The following ACYP2 variants were observed in gnomAD, a reference collection of about 807,000 sequenced individuals.
ACYP2 encodes the protein acylphosphatase-2.
A neutral mutation model predicts 11.2 loss-of-function variants in ACYP2; 12 were observed. The observed-to-expected ratio is 1.08, with a 90% confidence interval of 0.69 to 1.74. ACYP2 has a LOEUF of 1.74. Ranked by LOEUF, ACYP2 falls within the 40% of genes most tolerant of loss-of-function variation. ACYP2 has a pLI of 0.00. For synonymous variants in ACYP2, 43 were observed against 32.2 expected, an observed-to-expected ratio of 1.33 and a Z score of -1.13; for missense variants, 134 against 101.9, an observed-to-expected ratio of 1.31 and a Z score of -1.35.
At chr2:54,013,041 G>T (rs555520852) in intron 2 of ACYP2, among the ~76,000 whole-genome samples, 2 of 151,940 alleles carry the variant, frequency 1.3e-5, no homozygotes, top group African/African-American at 2.4e-5. Context: ...AACACATTTC[G>T]CAGATATATC....
intron 2 of ACYP2, among the ~76,000 whole-genome samples, chr2:54,028,841 G>A (rs1190317372): frequency 1.3e-5 from 2 of 152,148 alleles, no homozygotes; most frequent in Admixed American, 6.6e-5. Context: ...CCCTGCACAC[G>A]TTAATAAATT....
At chr2:54,066,522 T>G (rs1641960094) in intron 4 of ACYP2, among the ~76,000 whole-genome samples, 1 of 152,228 alleles carries the variant, frequency 6.6e-6, no homozygotes, top group African/African-American at 2.4e-5. Flanking sequence ...GGTTCACATT[T>G]AGCAATCTGA....
At chr2:54,059,242 G>A (rs112316211) in intron 4 of ACYP2, among the ~76,000 whole-genome samples, 4,026 of 147,828 alleles carry the variant, frequency 0.027, 178 homozygotes, top group African/African-American at 0.097. Context: ...TTTTGAGTTG[G>A]AATTTTGCTC....
chr2:54,027,593 C>T (rs1201150052), intron 2 of ACYP2, among the ~76,000 whole-genome samples: 1 of 152,112 alleles, frequency 6.6e-6, no homozygotes, highest in Non-Finnish European at 1.5e-5. Context: ...ATGCTTTTCT[C>T]TTGTTAATCT....
At chr2:54,035,068 G>A (rs935806627) in intron 2 of ACYP2, among the ~76,000 whole-genome samples, 35 of 144,364 alleles carry the variant, frequency 2.4e-4, no homozygotes, top group African/African-American at 8.3e-4. Context: ...AGAGGTTTGA[G>A]TCCTCACACA....
intron 6 of ACYP2, among the ~76,000 whole-genome samples, chr2:54,232,884 G>C (rs1727507): frequency 0.25 from 37,551 of 151,962 alleles, 4,861 homozygotes; most frequent in South Asian, 0.37. Flanking sequence ...CCCCTCCCTT[G>C]ACATATAGGG....
chr2:54,168,468 T>C (rs1034920664), intron 6 of ACYP2, among the ~76,000 whole-genome samples: 1 of 151,728 alleles, frequency 6.6e-6, no homozygotes, highest in Non-Finnish European at 1.5e-5. Context: ...AATAAAATAA[T>C]AAAATAATCT....
chr2:54,271,115 G>A (rs1235751583), intron 6 of ACYP2, among the ~76,000 whole-genome samples: 3 of 152,212 alleles, frequency 2.0e-5, no homozygotes, highest in African/African-American at 4.8e-5. Flanking sequence ...AGCTCACTAT[G>A]GAAGAAATTT....
chr2:54,130,015 C>T (rs908560194), intron 4 of ACYP2, among the ~76,000 whole-genome samples: 5 of 151,670 alleles, frequency 3.3e-5, no homozygotes, highest in Admixed American at 6.6e-5. Flanking sequence ...TTCATTTATT[C>T]AACAACCATG....
At chr2:54,126,112 G>T (rs1680481729) in intron 4 of ACYP2, among the ~76,000 whole-genome samples, 1 of 152,016 alleles carries the variant, frequency 6.6e-6, no homozygotes. Context: ...ATAAAAAGGA[G>T]ATTTATTTGA....
At chr2:54,248,168 T>C (rs1687048220) in intron 6 of ACYP2, among the ~76,000 whole-genome samples, 1 of 152,234 alleles carries the variant, frequency 6.6e-6, no homozygotes, top group African/African-American at 2.4e-5. Flanking sequence ...TTAGAACTAA[T>C]GTACTTAGAA....
chr2:54,163,903 G>C (rs1055522489), intron 6 of ACYP2, among the ~76,000 whole-genome samples: 2 of 152,114 alleles, frequency 1.3e-5, no homozygotes, highest in Non-Finnish European at 2.9e-5. Context: ...AGCATCTGCC[G>C]TGGGGAGCAT....
intron 2 of ACYP2, among the ~76,000 whole-genome samples, chr2:53,981,114 A>G (rs1671739251): frequency 6.6e-6 from 1 of 152,174 alleles, no homozygotes; most frequent in African/African-American, 2.4e-5. Flanking sequence ...GTTTAGATAC[A>G]CAACTACTTA....
chr2:53,989,644 C>G (rs1429093389), intron 2 of ACYP2, among the ~76,000 whole-genome samples: 1 of 152,212 alleles, frequency 6.6e-6, no homozygotes, highest in Non-Finnish European at 1.5e-5. Flanking sequence ...TCACCCTCTA[C>G]TAACTCCCCT....
intron 2 of ACYP2, among the ~76,000 whole-genome samples, chr2:54,046,353 C>A (rs1189386447): frequency 6.6e-6 from 1 of 151,806 alleles, no homozygotes. Flanking sequence ...ATGGAACACA[C>A]TTGTAATCCC....
intron 6 of ACYP2, among the ~76,000 whole-genome samples, chr2:54,231,593 C>T (rs1686239493): frequency 6.6e-6 from 1 of 152,160 alleles, no homozygotes; most frequent in African/African-American, 2.4e-5. Context: ...AGTTTGTTTC[C>T]TCATGTATCA....
intron 6 of ACYP2, among the ~76,000 whole-genome samples, chr2:54,277,962 T>TTTAA (rs1264450725): frequency 3.9e-5 from 6 of 152,080 alleles, no homozygotes; most frequent in Non-Finnish European, 7.4e-5. Flanking sequence ...CTATGCACAT[T>TTTAA]TTAATTAATT....
chr2:54,041,413 G>A (rs753864161), intron 2 of ACYP2, among the ~76,000 whole-genome samples: 7 of 152,176 alleles, frequency 4.6e-5, no homozygotes, highest in South Asian at 2.1e-4. Flanking sequence ...GAGGGGAGGT[G>A]AGTAAGTATT....
At chr2:54,240,592 A>C (rs1214236620) in intron 6 of ACYP2, among the ~76,000 whole-genome samples, 5 of 152,176 alleles carry the variant, frequency 3.3e-5, no homozygotes, top group African/African-American at 1.2e-4. Context: ...ATTGGTCCTC[A>C]AAACTTTGTC....
Sources: allele counts gnomAD v4.1 joint callset (sites outside exome capture counted in the v4.1 genomes callset), GRCh38; gene constraint gnomAD v4.1.1; transcripts MANE v1.5; gene names NCBI Gene and HGNC (gene_info 2026-07-23, HGNC 2026-07-21).